IL22RA2: variants seen among roughly 807,000 people sequenced by gnomAD.
The protein encoded by IL22RA2 is interleukin 22 receptor subunit alpha 2, also known as interleukin-22 receptor subunit alpha-2.
A neutral mutation model predicts 30.7 loss-of-function variants in IL22RA2; 39 were observed. The observed-to-expected ratio is 1.27, with a 90% CI of 0.98 to 1.66. The LOEUF (loss-of-function observed/expected upper bound fraction) is 1.66, where lower values mean the gene tolerates loss of function less well. IL22RA2 is among the 40% of genes most tolerant of loss of function. The pLI is 0.00. For missense variants in IL22RA2, 315 were observed against 312.7 expected (o/e 1.01, Z -0.05); for synonymous variants, 103 against 105.0 (o/e 0.98, Z 0.11).
chr6:137,160,022 G>A (rs186761259), intron 2 of IL22RA2, among the ~76,000 whole-genome samples: 4 of 152,290 alleles, frequency 2.6e-5, no homozygotes, highest in Admixed American at 2.6e-4. Flanking sequence ...CACCATCAGT[G>A]CATCAAATGG....
intron 5 of IL22RA2, among the ~76,000 whole-genome samples, chr6:137,154,677 A>C (rs1231094307): frequency 6.6e-6 from 1 of 152,164 alleles, no homozygotes; most frequent in Non-Finnish European, 1.5e-5. Flanking sequence ...GAGGCTCTGC[A>C]GTCAGATATA....
At chr6:137,163,637 G>T (rs1778569980) in intron 1 of IL22RA2, among the ~76,000 whole-genome samples, 1 of 152,232 alleles carries the variant, frequency 6.6e-6, no homozygotes, top group African/African-American at 2.4e-5. Flanking sequence ...GTCCCATAAG[G>T]ATGGAAGGGG....
Position 137,161,892 on chromosome 6 carries a change from ATAC to A in IL22RA2, c.-65-81_-65-79del, listed in dbSNP as rs1778529205. ...TTGAAGCAACTACAATTTTATTTTGATACTACATTATATTATTTTATTTTAGGA... is the reference window on the plus strand; with the variant it reads ...TTGAAGCAACTACAATTTTATTTTGATACATTATATTATTTTATTTTAGGA... On this transcript the variant is annotated intron_variant, in intron 1 of 6. Transcript: ENST00000296980. The A allele has an allele frequency of 1.5e-5, 8 of 544,540 alleles. No individual in the cohort carries two copies. The African/African-American group carries it at 1.5e-4, about 10-fold the overall frequency. 33.7% of individuals were successfully genotyped at this position (544,540 alleles called of 1,614,324 possible).
In IL22RA2 at chr6:137,145,610, C is replaced by T; in HGVS notation, c.*14G>A. The T allele has an allele frequency of 6.3e-7, 1 of 1,594,426 alleles. No individual in the cohort carries two copies. Among genetic ancestry groups the T allele is most frequent in the Non-Finnish European group, 8.6e-7 (1 of 1,169,414 alleles). On this transcript the variant is annotated 3_prime_UTR_variant, in exon 7 of 7. Coordinates refer to ENST00000296980, the MANE Select transcript of IL22RA2 (RefSeq NM_052962.3). ...TTTAGAATTTCCACATTGCTGAATGCCAAATTCCACAAGTCATGGAATTTC... is the reference window on the plus strand; with the variant it reads ...TTTAGAATTTCCACATTGCTGAATGTCAAATTCCACAAGTCATGGAATTTC...
intron 5 of IL22RA2, among the ~76,000 whole-genome samples, chr6:137,150,480 A>ATTTTTTTTTTTTTTTTTTTTTTTTTTTTT (rs61381227): frequency 9.9e-6 from 1 of 100,542 alleles, no homozygotes; most frequent in Non-Finnish European, 2.0e-5. Flanking sequence ...TTCTTTTCTG[A>ATTTTTTTTTTTTTTTTTTTTTTTTTTTTT]TTTTTTTTTT....
intron 1 of IL22RA2, among the ~76,000 whole-genome samples, 180 bp downstream of exon 1, chr6:137,173,233 G>A (rs555907752): frequency 1.3e-5 from 2 of 152,136 alleles, no homozygotes; most frequent in South Asian, 2.1e-4. Context: ...TTAGCCAGGC[G>A]TGACGGTGTG....
chr6:137,172,326 A>T (rs911790732), intron 1 of IL22RA2, among the ~76,000 whole-genome samples: 1 of 152,190 alleles, frequency 6.6e-6, no homozygotes, highest in African/African-American at 2.4e-5. Flanking sequence ...ATATTTAAGA[A>T]CTGAATTCTC....
At position 137,172,127 on chromosome 6, in the gene IL22RA2, G is replaced by T. The variant is rs181157836; in HGVS notation, c.-66+1286C>A. On this transcript the variant is annotated intron_variant, in intron 1 of 6. Coordinates refer to ENST00000296980, the MANE Select transcript of IL22RA2 (RefSeq NM_052962.3). ...GGGTTTGCACTATTGATGTTCAATG[G>T]CTTCAATACCAATAGATCTCATTTT... Among the ~76,000 whole-genome samples, 549 of 152,246 alleles carry T rather than the reference G, an allele frequency of 3.6e-3. 4 individuals carry two copies. The highest frequency in any genetic ancestry group is 7.8e-3 in the Admixed American group (120 of 15,308).
At chr6:137,172,349 G>C (rs536528534) in intron 1 of IL22RA2, among the ~76,000 whole-genome samples, 1 of 152,190 alleles carries the variant, frequency 6.6e-6, no homozygotes, top group Admixed American at 6.5e-5. Flanking sequence ...CAAAACGTGA[G>C]CTTTGGTGCT....
chr6:137,151,656 A>T (rs374631526), intron 5 of IL22RA2, among the ~76,000 whole-genome samples: 1 of 152,234 alleles, frequency 6.6e-6, no homozygotes, highest in Non-Finnish European at 1.5e-5. Context: ...CATATATCTG[A>T]TAAGGCATTG....
rs559566705 is a variant in IL22RA2 at position 137,159,059 on chromosome 6, C to T, written c.62-577G>A. 1.8e-4 allele frequency among the ~76,000 whole-genome samples: 28 copies of T among 152,238 alleles called. 2 individuals are homozygous for T. The South Asian group carries it at 4.6e-3, about 25-fold the overall frequency. On this transcript the variant is annotated intron_variant, in intron 2 of 6. Coordinates refer to ENST00000296980, the MANE Select transcript of IL22RA2 (RefSeq NM_052962.3). ...TGGCTCCAAGTATCCAAGCATAATC[C>T]CTCAGATGAAATGGTCATGCTAATG...
intron 6 of IL22RA2, among the ~76,000 whole-genome samples, 186 bp downstream of exon 6, chr6:137,147,536 A>G (rs1329069277): frequency 6.6e-6 from 1 of 152,186 alleles, no homozygotes; most frequent in African/African-American, 2.4e-5. Context: ...GAAAGGGCAC[A>G]CACACATTCT....
intron 1 of IL22RA2, among the ~76,000 whole-genome samples, chr6:137,163,755 C>T (rs1028087862): frequency 3.0e-4 from 46 of 152,054 alleles, no homozygotes; most frequent in African/African-American, 1.0e-3. Context: ...TGACACCAGA[C>T]GTAAGTGGGG....
intron 4 of IL22RA2, 92 bp downstream of exon 4, chr6:137,156,667 C>G: frequency 1.3e-6 from 2 of 1,516,046 alleles, no homozygotes; most frequent in Non-Finnish European, 1.8e-6. Context: ...TTCAGGTATT[C>G]TGGGGTCTGA....
intron 6 of IL22RA2, among the ~76,000 whole-genome samples, chr6:137,146,718 C>A (rs1242493612): frequency 6.6e-6 from 1 of 152,166 alleles, no homozygotes; most frequent in Non-Finnish European, 1.5e-5. Context: ...CAAGGCCAGG[C>A]CTGGTGGCTC....
At chr6:137,159,283 A>C (rs2114377031) in intron 2 of IL22RA2, among the ~76,000 whole-genome samples, 1 of 152,192 alleles carries the variant, frequency 6.6e-6, no homozygotes, top group East Asian at 1.9e-4. Context: ...AAGGTTTTTT[A>C]TAAGGGATAA....
chr6:137,145,629 G>T lies in IL22RA2; in HGVS notation c.787C>A (p.Pro263Thr). ...TGAATGCCAAATTCCACAAGTCATG[G>T]AATTTCCACACATCTCTCTTCACTT... ...QRSEERCVEIP is the reference protein window; with the variant it reads ...QRSEERCVEIT Residue 263 changes from proline to threonine, a missense_variant, in exon 7 of 7, where the codon CCA becomes ACA. Coordinates refer to ENST00000296980, the MANE Select transcript of IL22RA2 (RefSeq NM_052962.3). The T allele has an allele frequency of 6.2e-7, 1 of 1,605,028 alleles. No individual in the cohort carries two copies. Among genetic ancestry groups the T allele is most frequent in the Admixed American group, 1.7e-5 (1 of 58,906 alleles).
chr6:137,154,791 G>C, intron 5 of IL22RA2, 150 bp downstream of exon 5: 1 of 624,732 alleles, frequency 1.6e-6, no homozygotes, highest in Non-Finnish European at 2.8e-6. Context: ...GATAATAAAA[G>C]CTATCTCCTA....
At chr6:137,163,871 G>A (rs541506637) in intron 1 of IL22RA2, among the ~76,000 whole-genome samples, 1 of 152,286 alleles carries the variant, frequency 6.6e-6, no homozygotes, top group Admixed American at 6.5e-5. Flanking sequence ...TTGATGTGGG[G>A]AGGCACAGAT....
Sources: gnomAD v4.1 joint callset for allele counts (sites outside exome capture counted in the v4.1 genomes callset) on GRCh38, gnomAD v4.1.1 for gene constraint, MANE v1.5 for transcripts, NCBI Gene and HGNC (gene_info 2026-07-23, HGNC 2026-07-21) for gene names.